The following PALM2AKAP2 variants were observed in gnomAD, a reference collection of about 807,000 sequenced individuals.
PALM2AKAP2 encodes the protein PALM2 and AKAP2 fusion.
A neutral mutation model predicts 71.5 loss-of-function variants in PALM2AKAP2; 37 were observed. The ratio of observed to expected loss-of-function variants is 0.52; its 90% CI spans 0.40 to 0.68. The LOEUF (loss-of-function observed/expected upper bound fraction) is 0.68, where lower values mean the gene tolerates loss of function less well. Among genes scored for constraint, PALM2AKAP2 ranks in the 30% least tolerant of loss-of-function variants. The pLI, the probability that PALM2AKAP2 is intolerant of heterozygous loss-of-function variation, is 0.00. For synonymous variants in PALM2AKAP2, 468 were observed against 478.8 expected, an observed-to-expected ratio of 0.98 and a Z score of 0.29; for missense variants, 1,224 against 1,191.8, an observed-to-expected ratio of 1.03 and a Z score of -0.40.
At chr9:110,026,345 G>A (rs953120085) in intron 7 of PALM2AKAP2, among the ~76,000 whole-genome samples, 1 of 152,142 alleles carries the variant, frequency 6.6e-6, no homozygotes, top group Admixed American at 6.5e-5. Flanking sequence ...CTCCCAAAGT[G>A]TGAGATTACA....
intron 1 of PALM2AKAP2, among the ~76,000 whole-genome samples, chr9:109,762,656 A>G (rs1451814462): frequency 2.0e-5 from 3 of 149,962 alleles, no homozygotes; most frequent in Non-Finnish European, 4.4e-5. Context: ...ACTCACTGTG[A>G]GGCAGGAAAA....
At chr9:109,914,144 CT>C (rs1200959395) in intron 3 of PALM2AKAP2, among the ~76,000 whole-genome samples, 1 of 152,196 alleles carries the variant, frequency 6.6e-6, no homozygotes, top group African/African-American at 2.4e-5. Context: ...TGTTTGGTGG[CT>C]GTGCCCTGTG....
chr9:110,024,114 A>C (rs935618399), intron 7 of PALM2AKAP2, among the ~76,000 whole-genome samples: 4 of 152,164 alleles, frequency 2.6e-5, no homozygotes, highest in African/African-American at 9.7e-5. Flanking sequence ...AACTTTATTA[A>C]GGATAAAATT....
intron 1 of PALM2AKAP2, among the ~76,000 whole-genome samples, chr9:110,110,320 G>A (rs1835217772): frequency 6.6e-6 from 1 of 152,116 alleles, no homozygotes; most frequent in Non-Finnish European, 1.5e-5. Flanking sequence ...CCTAGTCAGG[G>A]CTTGGTGAGT....
chr9:109,985,488 C>T (rs1402923222), intron 6 of PALM2AKAP2, among the ~76,000 whole-genome samples: 5 of 149,916 alleles, frequency 3.3e-5, no homozygotes, highest in East Asian at 2.1e-4. Flanking sequence ...GGCGTGGTGG[C>T]GGGCACCTGT....
chr9:109,959,244 A>G, intron 6 of PALM2AKAP2, among the ~76,000 whole-genome samples: 1 of 152,200 alleles, frequency 6.6e-6, no homozygotes, highest in East Asian at 1.9e-4. Flanking sequence ...TGTCCAGTGT[A>G]CTGGGTCTGA....
intron 1 of PALM2AKAP2, among the ~76,000 whole-genome samples, chr9:109,695,407 C>T (rs909484076): frequency 6.6e-6 from 1 of 152,152 alleles, no homozygotes; most frequent in Admixed American, 6.5e-5. Flanking sequence ...TACTACTTTA[C>T]ATTCCCACCA....
intron 1 of PALM2AKAP2, among the ~76,000 whole-genome samples, chr9:109,864,923 C>G (rs530588083): frequency 3.4e-4 from 52 of 152,096 alleles, no homozygotes; most frequent in African/African-American, 1.1e-3. Context: ...ATGGTATAGT[C>G]CTAGCCAATC....
intron 1 of PALM2AKAP2, among the ~76,000 whole-genome samples, chr9:109,838,368 A>G (rs1828545106): frequency 6.6e-6 from 1 of 152,244 alleles, no homozygotes; most frequent in South Asian, 2.1e-4. Context: ...TCCGGGACAT[A>G]TTTAAAGCAG....
chr9:109,648,480 A>C (rs1012231703), intron 1 of PALM2AKAP2, among the ~76,000 whole-genome samples: 1 of 152,236 alleles, frequency 6.6e-6, no homozygotes, highest in Non-Finnish European at 1.5e-5. Context: ...TAGAGGAGAC[A>C]GACAATACAT....
intron 3 of PALM2AKAP2, among the ~76,000 whole-genome samples, chr9:110,165,284 TCACACACACACACACACACACACA>T (rs58758256): frequency 1.4e-5 from 2 of 142,270 alleles, no homozygotes; most frequent in Admixed American, 7.0e-5. Context: ...TGCTAGAGAT[TCACACACACACACACACACACACA>T]CACACACACA....
At chr9:110,057,043 C>G (rs1395685676) in intron 1 of PALM2AKAP2, among the ~76,000 whole-genome samples, 1 of 152,000 alleles carries the variant, frequency 6.6e-6, no homozygotes, top group Non-Finnish European at 1.5e-5. Context: ...CCCAGGGACG[C>G]CTTGTCCTTG....
At chr9:109,784,539 T>C (rs1270524753) in intron 1 of PALM2AKAP2, among the ~76,000 whole-genome samples, 4 of 152,246 alleles carry the variant, frequency 2.6e-5, no homozygotes, top group African/African-American at 9.6e-5. Context: ...GTTAAGTCAG[T>C]AGCTAAAGAC....
intron 1 of PALM2AKAP2, among the ~76,000 whole-genome samples, chr9:109,687,002 T>A (rs1462288553): frequency 6.6e-6 from 1 of 152,188 alleles, no homozygotes; most frequent in Non-Finnish European, 1.5e-5. Context: ...ACAAAGGACA[T>A]GAACTCATCA....
chr9:109,769,215 A>G (rs945956202), intron 1 of PALM2AKAP2, among the ~76,000 whole-genome samples: 4 of 152,068 alleles, frequency 2.6e-5, no homozygotes, highest in African/African-American at 7.2e-5. Flanking sequence ...TATGCACATT[A>G]TTTTTCCCAC....
intron 1 of PALM2AKAP2, among the ~76,000 whole-genome samples, chr9:109,818,570 A>T (rs1426405669): frequency 6.6e-6 from 1 of 152,202 alleles, no homozygotes; most frequent in Non-Finnish European, 1.5e-5. Context: ...TTTTCATTAA[A>T]CATACTACCT....
chr9:109,862,302 C>T (rs192373366), intron 1 of PALM2AKAP2, among the ~76,000 whole-genome samples: 81 of 152,194 alleles, frequency 5.3e-4, no homozygotes, highest in African/African-American at 1.8e-3. Context: ...TTTAGGAAGC[C>T]TGGGGATGGT....
chr9:109,843,140 C>A (rs377520547), intron 1 of PALM2AKAP2, among the ~76,000 whole-genome samples: 101 of 62,774 alleles, frequency 1.6e-3, no homozygotes, highest in Admixed American at 1.8e-3. Flanking sequence ...AACTCGGTCT[C>A]AAAAAAAAAA....
Position 109,913,539 on chromosome 9 carries a change from C to T in PALM2AKAP2, c.258-10196C>T, listed in dbSNP as rs565174082. On this transcript the variant is annotated intron_variant, in intron 3 of 9. Transcript: ENST00000302798. Reference sequence around the variant, plus strand: ...GCGTTGATTAGCAGTAATGAATTCACAACCTTGCAATTGCTCATTTTTTTT... The same window carrying T: ...GCGTTGATTAGCAGTAATGAATTCATAACCTTGCAATTGCTCATTTTTTTT... Among the ~76,000 whole-genome samples the T allele has an allele frequency of 2.6e-3, 400 of 152,304 alleles. 2 individuals are homozygous for T. The highest frequency in any genetic ancestry group is 4.9e-3 in the Non-Finnish European group (332 of 68,024).
Sources: allele counts gnomAD v4.1 joint callset (sites outside exome capture counted in the v4.1 genomes callset), GRCh38; gene constraint gnomAD v4.1.1; transcripts MANE v1.5; gene names NCBI Gene and HGNC (gene_info 2026-07-23, HGNC 2026-07-21).